The following MAP2K1 variants were observed in gnomAD, a reference collection of about 807,000 sequenced individuals.
MAP2K1 encodes the protein mitogen-activated protein kinase kinase 1.
A neutral mutation model predicts 46.3 loss-of-function variants in MAP2K1; 16 were observed. That is an observed-to-expected ratio of 0.35 (90% CI 0.23 to 0.52). MAP2K1 has a LOEUF of 0.52. Ranked by LOEUF, MAP2K1 falls within the 20% of genes least tolerant of loss-of-function variation. The pLI, the probability that MAP2K1 is intolerant of heterozygous loss-of-function variation, is 0.94. For synonymous variants in MAP2K1, 183 were observed against 185.6 expected (o/e 0.99, Z 0.11); for missense variants, 263 against 497.1 (o/e 0.53, Z 4.48).
chr15:66,457,115 TTTA>T (rs149682516), intron 5 of MAP2K1, among the ~76,000 whole-genome samples: 30,831 of 151,968 alleles, frequency 0.2, 3,795 homozygotes, highest in Middle Eastern at 0.33. Context: ...CAAAATTCAA[TTTA>T]TTATTATTTT....
chr15:66,468,269 CT>C (rs532972698), intron 5 of MAP2K1, among the ~76,000 whole-genome samples: 3,389 of 151,640 alleles, frequency 0.022, 75 homozygotes, highest in African/African-American at 0.059. Context: ...GACAGACCTC[CT>C]TTTTTTTTCC....
chr15:66,424,498 G>A (rs1234659333), intron 1 of MAP2K1, among the ~76,000 whole-genome samples: 1 of 152,214 alleles, frequency 6.6e-6, no homozygotes, highest in Non-Finnish European at 1.5e-5. Flanking sequence ...GATTTGAGCT[G>A]GGTTTGGGCT....
At chr15:66,428,289 T>C (rs1595857384) in intron 1 of MAP2K1, among the ~76,000 whole-genome samples, 2 of 144,388 alleles carry the variant, frequency 1.4e-5, no homozygotes, top group Admixed American at 6.9e-5. Context: ...TGTGTGTGTG[T>C]GTGTGTGTGT....
intron 5 of MAP2K1, among the ~76,000 whole-genome samples, chr15:66,445,846 T>C (rs1032912116): frequency 4.6e-5 from 7 of 151,960 alleles, no homozygotes; most frequent in African/African-American, 1.7e-4. Context: ...GAAGGAACTT[T>C]TTGGGGTGAC....
At chr15:66,487,965 T>G (rs940875967) in intron 8 of MAP2K1, among the ~76,000 whole-genome samples, 2 of 152,194 alleles carry the variant, frequency 1.3e-5, no homozygotes, top group African/African-American at 2.4e-5. Context: ...ATTGCTGAGG[T>G]AGGCCAAATT....
At chr15:66,446,968 G>C (rs1891884840) in intron 5 of MAP2K1, among the ~76,000 whole-genome samples, 1 of 152,196 alleles carries the variant, frequency 6.6e-6, no homozygotes, top group Non-Finnish European at 1.5e-5. Context: ...TGCTTTTAAA[G>C]AAGATGAAGC....
At chr15:66,444,888 T>C in intron 5 of MAP2K1, 181 bp downstream of exon 5, 1 of 616,282 alleles carries the variant, frequency 1.6e-6, no homozygotes, top group Admixed American at 2.7e-5. Flanking sequence ...CTCTTTTTGG[T>C]CTTGCTACAC....
intron 5 of MAP2K1, among the ~76,000 whole-genome samples, chr15:66,452,948 C>G (rs896078615): frequency 2.0e-5 from 3 of 152,066 alleles, no homozygotes; most frequent in African/African-American, 7.2e-5. Context: ...TATCTTCAGT[C>G]CTGAAGATGA....
intron 3 of MAP2K1, among the ~76,000 whole-genome samples, chr15:66,438,671 T>C (rs2093495368): frequency 6.6e-6 from 1 of 152,198 alleles, no homozygotes; most frequent in African/African-American, 2.4e-5. Flanking sequence ...CCCCCATGGA[T>C]TTGGCTCTCT....
chr15:66,421,074 A>G (rs1307311950), intron 1 of MAP2K1, among the ~76,000 whole-genome samples: 1 of 125,940 alleles, frequency 7.9e-6, no homozygotes, highest in Non-Finnish European at 1.6e-5. Context: ...ACACACACAT[A>G]TATACACATA....
chr15:66,472,676 C>G (rs935694020), intron 5 of MAP2K1, among the ~76,000 whole-genome samples: 2 of 151,246 alleles, frequency 1.3e-5, no homozygotes, highest in Admixed American at 6.6e-5. Context: ...TGCCTGACAT[C>G]TGTCTTTAAA....
chr15:66,403,340 T>G (rs1430698999), intron 1 of MAP2K1, among the ~76,000 whole-genome samples: 5 of 152,092 alleles, frequency 3.3e-5, no homozygotes, highest in African/African-American at 7.2e-5. Flanking sequence ...CTCACTCTCC[T>G]AGGTGGTTGA....
At chr15:66,466,370 C>T (rs941982488) in intron 5 of MAP2K1, among the ~76,000 whole-genome samples, 39 of 152,230 alleles carry the variant, frequency 2.6e-4, no homozygotes, top group Middle Eastern at 3.4e-3. Flanking sequence ...TTTTCATAGG[C>T]GTATGTATAC....
Position 66,387,134 on chromosome 15 carries a change from A to T in MAP2K1, c.-214A>T, listed in dbSNP as rs2093342902. The T allele has an allele frequency of 2.3e-6, 1 of 435,044 alleles. No homozygotes were observed. The allele number at this position is 435,044 out of a possible 1,614,324, so 26.9% of individuals were successfully genotyped here. A position where few individuals can be genotyped will look rare whatever the true frequency, so the allele number is the denominator to read the frequency against. On this transcript the variant is annotated 5_prime_UTR_variant, in exon 1 of 11. Transcript: ENST00000307102. ...GCAGCCTTTCGGCTCTCTGCGCGCG[A>T]AGCCGAGTCCCGGGCGGGTGGGGCG...
chr15:66,442,975 C>T (rs970215383), intron 3 of MAP2K1, among the ~76,000 whole-genome samples: 6 of 151,888 alleles, frequency 4.0e-5, no homozygotes, highest in African/African-American at 7.3e-5. Flanking sequence ...GAGTGGGGTA[C>T]GAAGCTTCCA....
intron 1 of MAP2K1, among the ~76,000 whole-genome samples, chr15:66,399,421 C>T (rs1357808496): frequency 6.6e-6 from 1 of 152,076 alleles, no homozygotes; most frequent in African/African-American, 2.4e-5. Flanking sequence ...TGATAAACAT[C>T]ACATTAAATG....
intron 1 of MAP2K1, among the ~76,000 whole-genome samples, chr15:66,394,459 CTTTT>C (rs34599278): frequency 2.4e-5 from 3 of 125,480 alleles, no homozygotes; most frequent in Admixed American, 8.2e-5. Flanking sequence ...TAACCAGGAA[CTTTT>C]TTTTTTTTTT....
intron 8 of MAP2K1, among the ~76,000 whole-genome samples, chr15:66,488,310 T>C (rs1452123973): frequency 1.3e-5 from 2 of 152,254 alleles, no homozygotes. Context: ...AGCTGAGTTC[T>C]AGTCCTCACC....
intron 5 of MAP2K1, among the ~76,000 whole-genome samples, chr15:66,462,008 G>A (rs750509909): frequency 6.6e-5 from 10 of 152,272 alleles, no homozygotes; most frequent in Non-Finnish European, 1.2e-4. Flanking sequence ...AGCACATTGC[G>A]TATACAATGC....
Sources: gnomAD v4.1 joint callset for allele counts (sites outside exome capture counted in the v4.1 genomes callset) on GRCh38, gnomAD v4.1.1 for gene constraint, MANE v1.5 for transcripts, NCBI Gene and HGNC (gene_info 2026-07-23, HGNC 2026-07-21) for gene names.